PXMP4: variants seen among roughly 807,000 people sequenced by gnomAD.
The protein encoded by PXMP4 is 24 kDa peroxisomal intrinsic membrane protein.
A neutral mutation model predicts 21.6 loss-of-function variants in PXMP4; 16 were observed. That is an observed-to-expected ratio of 0.74 (90% CI 0.50 to 1.13). The LOEUF (loss-of-function observed/expected upper bound fraction) is 1.13, where lower values mean the gene tolerates loss of function less well. Among genes scored for constraint, PXMP4 ranks in the 50% most tolerant of loss-of-function variants. The pLI is 0.00. For missense variants in PXMP4, 240 were observed against 277.7 expected (o/e 0.86, Z 0.96); for synonymous variants, 127 against 123.8 (o/e 1.03, Z -0.17).
intron 1 of PXMP4, among the ~76,000 whole-genome samples, chr20:33,716,208 C>T (rs1308618945): frequency 6.6e-6 from 1 of 152,162 alleles, no homozygotes; most frequent in Non-Finnish European, 1.5e-5. Context: ...AATCCTCTAA[C>T]ACCTTTCCAC....
Position 33,710,624 on chromosome 20 carries a change from T to G in PXMP4, c.306A>C (p.Ala102=). 3 of 1,613,880 alleles carry G rather than the reference T, an allele frequency of 1.9e-6. No individual in the cohort carries two copies. The highest frequency in any genetic ancestry group is 2.2e-5 in the South Asian group (2 of 91,068). ...CGAGGAAGGCCGCCAGGAATGCGTGTGCTGGGTAGGTCTTGCCTTGTATGT... is the reference window on the plus strand; with the variant it reads ...CGAGGAAGGCCGCCAGGAATGCGTGGGCTGGGTAGGTCTTGCCTTGTATGT... ...QSYIQGKTYP[A]HAFLAAFLGG... The change falls in exon 3 of 4, where the codon GCA becomes GCC. Residue 102 remains alanine (A), a synonymous_variant. Transcript: ENST00000409299.
chr20:33,714,775 G>A (rs2018367285), intron 1 of PXMP4, 39 bp from the exon 2 acceptor site: 1 of 1,595,506 alleles, frequency 6.3e-7, no homozygotes, highest in South Asian at 1.1e-5. Flanking sequence ...TAATGTCACT[G>A]TGTCGCACTT....
intron 3 of PXMP4, among the ~76,000 whole-genome samples, chr20:33,708,723 C>T (rs1342052283): frequency 7.1e-6 from 1 of 141,674 alleles, no homozygotes; most frequent in African/African-American, 3.1e-5. Context: ...CAGAGTCTTG[C>T]TCTGTCACCC....
chr20:33,713,638 T>C (rs962897583), intron 2 of PXMP4, among the ~76,000 whole-genome samples: 1 of 152,206 alleles, frequency 6.6e-6, no homozygotes, highest in African/African-American at 2.4e-5. Context: ...GTCTGGCACA[T>C]AGCAGATGCT....
intron 2 of PXMP4, 106 bp from the exon 3 acceptor site, chr20:33,710,859 CTCAT>C (rs2018319277): frequency 2.7e-6 from 3 of 1,116,868 alleles, no homozygotes; most frequent in African/African-American, 3.2e-5. Context: ...CGGAGTAATG[CTCAT>C]TCAGTCACCG....
At chr20:33,711,545 G>C (rs570791110) in intron 2 of PXMP4, among the ~76,000 whole-genome samples, 1 of 152,314 alleles carries the variant, frequency 6.6e-6, no homozygotes, top group African/African-American at 2.4e-5. Flanking sequence ...TGAACATTTA[G>C]ATAGAGGAGG....
At chr20:33,709,670 C>T (rs1406566914) in intron 3 of PXMP4, among the ~76,000 whole-genome samples, 1 of 151,824 alleles carries the variant, frequency 6.6e-6, no homozygotes, top group Non-Finnish European at 1.5e-5. Context: ...ATCACCTCCA[C>T]CCCAACCTCT....
chr20:33,712,629 C>CATTT (rs1335445427), intron 2 of PXMP4, among the ~76,000 whole-genome samples: 1 of 151,294 alleles, frequency 6.6e-6, no homozygotes, highest in East Asian at 1.9e-4. Context: ...TTTGTTTGTT[C>CATTT]ATTTATTTAT....
chr20:33,707,465 C>CATT lies in PXMP4; in HGVS notation c.*240_*241insAAT. 1 of 535,400 alleles carries CATT rather than the reference C, an allele frequency of 1.9e-6. No homozygotes were observed. Among genetic ancestry groups the CATT allele is most frequent in the South Asian group, 2.2e-5 (1 of 44,908 alleles). 33.2% of individuals were successfully genotyped at this position (535,400 alleles called of 1,614,324 possible). A position where few individuals can be genotyped will look rare whatever the true frequency, so the allele number is the denominator to read the frequency against. ...AGAGTAGTGTGGCTGGCCCCAGTCT[C>CATT]ACAGAAGTCAGCTGCACAGCTGGAA... On this transcript the variant is annotated 3_prime_UTR_variant, in exon 4 of 4. Coordinates refer to ENST00000409299, the MANE Select transcript of PXMP4 (RefSeq NM_007238.5).
rs146069372 is a variant in PXMP4 at position 33,707,832 on chromosome 20, A to G, written c.513T>C (p.Phe171=). The G allele has an allele frequency of 2.8e-5, 46 of 1,614,224 alleles. No homozygotes were observed. The African/African-American group carries it at 5.7e-4, about 20-fold the overall frequency. Residue 171 remains phenylalanine, a synonymous_variant, in exon 4 of 4, where the codon TTT becomes TTC. Coordinates refer to ENST00000409299, the MANE Select transcript of PXMP4 (RefSeq NM_007238.5). The stretch of plus-strand genomic sequence containing the variant: ...GCTGCAGGGTGGATCGGTGATACTC[A>G]AAGAGCCACAGCACCAGCCCCCACA... ...AVVWGLVLWL[F]EYHRSTLQPS...
rs1427857328 is a variant in PXMP4, at chr20:33,708,841, C to A, written c.376-872G>T. ...AAGCAGCTGAGACTACAGGTGTGCG[C>A]CACCATGCCTAATTTTTTTGCATTT... On this transcript the variant is annotated intron_variant, in intron 3 of 3. Coordinates refer to ENST00000409299, the MANE Select transcript of PXMP4 (RefSeq NM_007238.5). 6.6e-5 allele frequency among the ~76,000 whole-genome samples: 10 copies of A among 152,068 alleles called. No individual in the cohort carries two copies. In the East Asian group the frequency reaches 1.7e-3, roughly 26 times the overall value.
intron 2 of PXMP4, among the ~76,000 whole-genome samples, chr20:33,713,412 G>A (rs1487860356): frequency 5.3e-5 from 8 of 152,076 alleles, no homozygotes; most frequent in Admixed American, 3.3e-4. Context: ...TTCTCATAGC[G>A]GCCTTCCCTA....
At chr20:33,719,879 A>G (rs1031906640) in intron 1 of PXMP4, among the ~76,000 whole-genome samples, 5 of 152,160 alleles carry the variant, frequency 3.3e-5, no homozygotes, top group Admixed American at 3.3e-4. Flanking sequence ...AGGTTGGAAG[A>G]CCCAGAAAAT....
intron 1 of PXMP4, among the ~76,000 whole-genome samples, chr20:33,718,596 C>T (rs1372402370): frequency 6.6e-6 from 1 of 150,978 alleles, no homozygotes; most frequent in African/African-American, 2.4e-5. Flanking sequence ...ATGCCCTTGG[C>T]CAGACCCAGT....
At chr20:33,715,926 C>A (rs2018379575) in intron 1 of PXMP4, among the ~76,000 whole-genome samples, 1 of 149,172 alleles carries the variant, frequency 6.7e-6, no homozygotes. Flanking sequence ...CTCACTGCAA[C>A]CTCCGCCTCC....
intron 3 of PXMP4, among the ~76,000 whole-genome samples, chr20:33,710,321 C>T (rs1264369404): frequency 6.6e-6 from 1 of 150,846 alleles, no homozygotes; most frequent in Non-Finnish European, 1.5e-5. Context: ...CTACTCCTAC[C>T]TCTACACTGA....
chr20:33,712,378 G>A lies in PXMP4; in HGVS notation c.177-1625C>T, dbSNP rs1427103513. Among the ~76,000 whole-genome samples, 3 of 152,074 alleles carry A rather than the reference G, an allele frequency of 2.0e-5. No individual in the cohort carries two copies. The East Asian group carries it at 5.8e-4, about 29-fold the overall frequency. On this transcript the variant is annotated intron_variant, in intron 2 of 3. Coordinates refer to ENST00000409299, the MANE Select transcript of PXMP4 (RefSeq NM_007238.5). ...CATCACTGCCACAGCCTCTTGGAGG[G>A]AACCTGCTTCTGCCCTTGGGTGGCC...
intron 1 of PXMP4, among the ~76,000 whole-genome samples, chr20:33,718,846 C>A (rs933300648): frequency 6.6e-6 from 1 of 152,206 alleles, no homozygotes; most frequent in Admixed American, 6.5e-5. Context: ...ATACCAGGTG[C>A]TAGTAATACA....
chr20:33,710,165 C>T (rs1405550551), intron 3 of PXMP4, among the ~76,000 whole-genome samples: 2 of 138,484 alleles, frequency 1.4e-5, no homozygotes, highest in Non-Finnish European at 3.2e-5. Flanking sequence ...CACGCCCTTT[C>T]CCCACTCCTA....
Sources: allele counts gnomAD v4.1 joint callset (sites outside exome capture counted in the v4.1 genomes callset), GRCh38; gene constraint gnomAD v4.1.1; transcripts MANE v1.5; gene names NCBI Gene and HGNC (gene_info 2026-07-23, HGNC 2026-07-21).